PRLR: variants seen among roughly 807,000 people sequenced by gnomAD.
PRLR encodes hPRL receptor.
In PRLR, 13 loss-of-function variants were observed where a neutral mutation model predicts 40.2. The observed-to-expected ratio is 0.32, with a 90% CI of 0.21 to 0.51. PRLR has a LOEUF of 0.51. PRLR is among the 20% of genes least tolerant of loss of function. PRLR has a pLI of 0.97. For missense variants in PRLR, 656 were observed against 747.3 expected, an observed-to-expected ratio of 0.88 and a Z score of 1.42; for synonymous variants, 269 against 278.7, an observed-to-expected ratio of 0.97 and a Z score of 0.35.
intron 3 of PRLR, among the ~76,000 whole-genome samples, chr5:35,086,670 T>C (rs1388557812): frequency 6.6e-6 from 1 of 152,092 alleles, no homozygotes; most frequent in African/African-American, 2.4e-5. Context: ...GAATGCAAGA[T>C]AGACACATAT....
intron 5 of PRLR, among the ~76,000 whole-genome samples, chr5:35,082,335 C>T (rs1023560391): frequency 1.3e-5 from 2 of 152,178 alleles, no homozygotes; most frequent in African/African-American, 4.8e-5. Context: ...AACAATGCTT[C>T]TGATAAAAAA....
chr5:35,135,498 G>GTTCTGTCCTGATTATGTCCACTGCT (rs1773828687), intron 1 of PRLR: 1 of 152,368 alleles, frequency 6.6e-6, no homozygotes, highest in South Asian at 2.1e-4. Context: ...ACTTCGGCCT[G>GTTCTGTCCTGATTATGTCCACTGCT]TTCTGTCCTG....
At chr5:35,090,816 TTTTTTTTTTTTTG>T in intron 2 of PRLR, among the ~76,000 whole-genome samples, 1 of 112,652 alleles carries the variant, frequency 8.9e-6, no homozygotes, top group Admixed American at 8.4e-5. Flanking sequence ...TTTTTTTTTT[TTTTTTTTTTTTTG>T]AGACAGAGTC....
intron 1 of PRLR, among the ~76,000 whole-genome samples, chr5:35,192,569 G>A (rs531213213): frequency 2.6e-5 from 4 of 152,328 alleles, no homozygotes; most frequent in African/African-American, 9.6e-5. Flanking sequence ...CACATTCCCA[G>A]ACAGAGGAAC....
intron 1 of PRLR, among the ~76,000 whole-genome samples, chr5:35,176,477 ATTC>A (rs1435518260): frequency 2.0e-5 from 3 of 152,160 alleles, no homozygotes; most frequent in Non-Finnish European, 4.4e-5. Flanking sequence ...ACTAAGAAAA[ATTC>A]TTCTGCCTTG....
chr5:35,153,777 C>CACACA (rs200470693), intron 1 of PRLR, among the ~76,000 whole-genome samples: 36 of 145,782 alleles, frequency 2.5e-4, no homozygotes, highest in African/African-American at 9.0e-4. Flanking sequence ...ACACACACAC[C>CACACA]CCATTGTTAT....
chr5:35,220,674 C>T (rs575613898), intron 1 of PRLR, among the ~76,000 whole-genome samples: 2 of 152,254 alleles, frequency 1.3e-5, no homozygotes, highest in African/African-American at 4.8e-5. Flanking sequence ...AAAGCAGAAC[C>T]TCCATAAACA....
At chr5:35,205,071 C>G (rs147752520) in intron 1 of PRLR, among the ~76,000 whole-genome samples, 4 of 151,836 alleles carry the variant, frequency 2.6e-5, no homozygotes, top group African/African-American at 7.3e-5. Flanking sequence ...TGTGTAAAAT[C>G]GGGAAACATG....
At chr5:35,158,233 T>C (rs933731616) in intron 1 of PRLR, among the ~76,000 whole-genome samples, 1 of 152,202 alleles carries the variant, frequency 6.6e-6, no homozygotes, top group African/African-American at 2.4e-5. Context: ...GTATGCCTGC[T>C]GTTTATATGT....
At position 35,144,129 on chromosome 5, in the gene PRLR, A is replaced by C. The variant is rs1320246780; in HGVS notation, c.-105-26007T>G. The stretch of plus-strand genomic sequence containing the variant: ...CAGATTTTCAACAAGCTTCCAAAAA[A>C]AAAAAAAAAAAAACCCAGAACAACA... On this transcript the variant is annotated intron_variant, in intron 1 of 9. Coordinates refer to ENST00000618457, the MANE Select transcript of PRLR (RefSeq NM_000949.7). Among the ~76,000 whole-genome samples, 5 of 151,526 alleles carry C rather than the reference A, an allele frequency of 3.3e-5. No homozygotes were observed. In the East Asian group the frequency reaches 9.7e-4, roughly 29 times the overall value.
chr5:35,204,926 C>G (rs73078882), intron 1 of PRLR, among the ~76,000 whole-genome samples: 2,791 of 152,170 alleles, frequency 0.018, 96 homozygotes, highest in African/African-American at 0.065. Flanking sequence ...GAAAGTGACA[C>G]AAATATAATA....
intron 1 of PRLR, among the ~76,000 whole-genome samples, chr5:35,225,892 G>A (rs1315899454): frequency 6.6e-6 from 1 of 152,234 alleles, no homozygotes; most frequent in Non-Finnish European, 1.5e-5. Flanking sequence ...GTGTTCCCCA[G>A]GCTGGTCTCG....
intron 1 of PRLR, among the ~76,000 whole-genome samples, chr5:35,145,229 A>G (rs181634658): frequency 6.6e-6 from 1 of 152,306 alleles, no homozygotes; most frequent in Admixed American, 6.5e-5. Context: ...TGTTTTTTCT[A>G]TAATCTATTG....
At chr5:35,151,142 T>C (rs1434927171) in intron 1 of PRLR, among the ~76,000 whole-genome samples, 2 of 152,188 alleles carry the variant, frequency 1.3e-5, no homozygotes, top group African/African-American at 4.8e-5. Flanking sequence ...CCATGCTTGC[T>C]CTACTGAATT....
rs368063374 is a variant in PRLR, at chr5:35,094,116, T to C, written c.-43-4453A>G. Among the ~76,000 whole-genome samples the C allele has an allele frequency of 1.2e-4, 19 of 152,300 alleles. No homozygotes were observed. The South Asian group carries it at 3.9e-3, about 32-fold the overall frequency. The stretch of plus-strand genomic sequence containing the variant: ...AAAAAGAATATATCTATGTTACCAC[T>C]CAGGTCAAGAGATTAACCACCAGTA... On this transcript the variant is annotated intron_variant, in intron 2 of 9. Transcript: ENST00000618457.
intron 2 of PRLR, among the ~76,000 whole-genome samples, chr5:35,092,215 GAC>G (rs148314463): frequency 0.019 from 2,842 of 152,266 alleles, 90 homozygotes; most frequent in African/African-American, 0.066. Context: ...GATTTCCTGA[GAC>G]ACATCCTGGA....
chr5:35,160,283 A>G (rs975646553), intron 1 of PRLR, among the ~76,000 whole-genome samples: 1 of 152,154 alleles, frequency 6.6e-6, no homozygotes, highest in African/African-American at 2.4e-5. Flanking sequence ...AGTCATGCCT[A>G]TTCCTTTCTA....
chr5:35,108,811 A>G (rs1399519181), intron 2 of PRLR, among the ~76,000 whole-genome samples: 2 of 152,210 alleles, frequency 1.3e-5, no homozygotes, highest in African/African-American at 2.4e-5. Flanking sequence ...TCTAGATTCA[A>G]TGCCATCCCC....
chr5:35,197,805 T>G (rs1242235482), intron 1 of PRLR, among the ~76,000 whole-genome samples: 1 of 152,174 alleles, frequency 6.6e-6, no homozygotes, highest in Non-Finnish European at 1.5e-5. Flanking sequence ...TCTGAGAGGA[T>G]GAGATTCAGC....
Sources: gnomAD v4.1 joint callset for allele counts (sites outside exome capture counted in the v4.1 genomes callset) on GRCh38, gnomAD v4.1.1 for gene constraint, MANE v1.5 for transcripts, NCBI Gene and HGNC (gene_info 2026-07-23, HGNC 2026-07-21) for gene names.